Variants in SLC26A2 observed in about 807,000 individuals in gnomAD.
SLC26A2 encodes solute carrier family 26 member 2, also known as sulfate transporter.
In SLC26A2, 36 loss-of-function variants were observed where a neutral mutation model predicts 41.1. That is an observed-to-expected ratio of 0.88 (90% CI 0.67 to 1.16). The LOEUF (loss-of-function observed/expected upper bound fraction) is 1.16. Ranked by LOEUF, SLC26A2 falls within the 50% of genes most tolerant of loss-of-function variation. The probability of loss-of-function intolerance (pLI) is 0.00; values close to 1 mark genes in which losing one functional copy is unlikely to be tolerated. For missense variants in SLC26A2, 796 were observed against 869.6 expected (o/e 0.92, Z 1.07); for synonymous variants, 291 against 311.6 (o/e 0.93, Z 0.70).
chr5:149,980,701 C>T lies in SLC26A2; in HGVS notation c.1108C>T (p.Pro370Ser), dbSNP rs868052713. The change falls in exon 3 of 3, where the codon CCA becomes TCA. Residue 370 changes from proline to serine, a missense_variant. Physicochemically the swap from Pro to Ser is moderately conservative, Grantham distance 74. Transcript: ENST00000286298. ...IAGHIPTGFM[P>S]PKVPEWNLIP... ...TGGACATATTCCCACTGGGTTTATG[C>T]CACCCAAAGTACCAGAATGGAACCT... The T allele has an allele frequency of 1.2e-6, 2 of 1,613,594 alleles. No individual in the cohort carries two copies. Among genetic ancestry groups the T allele is most frequent in the Admixed American group, 3.3e-5 (2 of 59,974 alleles).
intron 1 of SLC26A2, among the ~76,000 whole-genome samples, chr5:149,971,721 A>G (rs1754909954): frequency 6.6e-6 from 1 of 152,186 alleles, no homozygotes; most frequent in Admixed American, 6.5e-5. Context: ...TTCTAAAACC[A>G]CCTTCAACTA....
intron 1 of SLC26A2, among the ~76,000 whole-genome samples, chr5:149,975,667 C>T (rs1236753692): frequency 6.6e-6 from 1 of 152,190 alleles, no homozygotes; most frequent in Non-Finnish European, 1.5e-5. Context: ...TTATCTACTT[C>T]AGAAGACCAT....
chr5:149,968,900 C>G (rs937487996), intron 1 of SLC26A2, among the ~76,000 whole-genome samples: 2 of 151,810 alleles, frequency 1.3e-5, no homozygotes. Context: ...CACCACCACA[C>G]CCAGCTAATT....
In SLC26A2 at chr5:149,981,707, A is replaced by T. The variant is rs1205574599; in HGVS notation, c.2114A>T (p.Glu705Val). The stretch of plus-strand genomic sequence containing the variant: ...GGAGAATATTGCAAAAAGGAAGAAG[A>T]AAACCTTCTCTTCTATAGTGTGTAT... ...TNGEYCKKEE[E>V]NLLFYSVYEA... The change falls in exon 3 of 3, where the codon GAA (glutamate) becomes GTA (valine). Residue 705 changes from glutamate (E) to valine (V), a missense_variant. Glu to Val is a moderately radical substitution (Grantham distance 121). Coordinates refer to ENST00000286298, the MANE Select transcript of SLC26A2 (RefSeq NM_000112.4). The T allele has an allele frequency of 6.2e-7, 1 of 1,611,540 alleles. No homozygotes were observed. Among genetic ancestry groups the T allele is most frequent in the East Asian group, 2.2e-5 (1 of 44,882 alleles).
chr5:149,966,340 A>G (rs1486217805), intron 1 of SLC26A2, among the ~76,000 whole-genome samples: 1 of 152,376 alleles, frequency 6.6e-6, no homozygotes, highest in Non-Finnish European at 1.5e-5. Flanking sequence ...TGGTTGGGAC[A>G]GAGGGTTATG....
chr5:149,970,191 G>A (rs1754877529), intron 1 of SLC26A2, among the ~76,000 whole-genome samples: 1 of 152,144 alleles, frequency 6.6e-6, no homozygotes, highest in African/African-American at 2.4e-5. Flanking sequence ...GGATGGTCAA[G>A]GAAGGTTTCT....
chr5:149,968,001 CTTTT>C (rs941103020), intron 1 of SLC26A2, among the ~76,000 whole-genome samples: 1 of 147,994 alleles, frequency 6.8e-6, no homozygotes, highest in Non-Finnish European at 1.5e-5. Flanking sequence ...AGATCCAGCT[CTTTT>C]TTTTTATTTT....
chr5:149,983,336 A>G lies in SLC26A2; in HGVS notation c.*1523A>G, dbSNP rs968851594. On this transcript the variant is annotated 3_prime_UTR_variant, in exon 3 of 3. Transcript: ENST00000286298. ...GTGACATGGAAAATACCTTTCCATT[A>G]TCACAACAAAGCAGTTGCTCAGTAG... The G allele has an allele frequency of 6.6e-6, 1 of 152,160 alleles. No individual in the cohort carries two copies. The highest frequency in any genetic ancestry group is 6.5e-5 in the Admixed American group (1 of 15,278). The allele number at this position is 152,160 out of a possible 1,614,324, so 9.4% of individuals were successfully genotyped here.
chr5:149,976,180 C>CT (rs1214354406), intron 1 of SLC26A2, among the ~76,000 whole-genome samples: 1 of 151,762 alleles, frequency 6.6e-6, no homozygotes, highest in East Asian at 1.9e-4. Context: ...AAAAATGTCT[C>CT]TATCTGGCCA....
rs373093471 is a variant in SLC26A2 at position 149,978,386 on chromosome 5, A to G, written c.699+35A>G. 1.5e-4 allele frequency: 213 copies of G among 1,451,694 alleles called. No individual in the cohort carries two copies. In the African/African-American group the frequency reaches 2.4e-3, roughly 16 times the overall value. The allele number at this position is 1,451,694 out of a possible 1,614,324, so 89.9% of individuals were successfully genotyped here. On this transcript the variant is annotated intron_variant, in intron 2 of 2. Coordinates refer to ENST00000286298, the MANE Select transcript of SLC26A2 (RefSeq NM_000112.4). The stretch of plus-strand genomic sequence containing the variant: ...AATGAAACAATTGGTTATTTCTAGA[A>G]AAGTAATCTAGTACATGAAATCTCA...
Position 149,984,825 on chromosome 5 carries a change from C to G in SLC26A2, c.*3012C>G, listed in dbSNP as rs1384307045. The G allele has an allele frequency of 1.3e-5, 2 of 152,196 alleles. No individual in the cohort carries two copies. The highest frequency in any genetic ancestry group is 1.3e-4 in the Admixed American group (2 of 15,282). 9.4% of individuals were successfully genotyped at this position (152,196 alleles called of 1,614,324 possible). ...TTTCTCAGTACAAGATTCTGAGTAT[C>G]ATAAAATGGTTATTTAATTGAAACG... is the stretch of plus-strand genomic sequence containing the variant. On this transcript the variant is annotated 3_prime_UTR_variant, in exon 3 of 3. Transcript: ENST00000286298.
Position 149,977,703 on chromosome 5 carries a change from T to C in SLC26A2, c.51T>C (p.Ala17=), listed in dbSNP as rs369248348. ...EQHNVSPRDS[A]EGNDSYPSGI... is the part of the protein sequence containing the mutation. ...ATAACGTTTCACCCAGAGACTCAGC[T>C]GAAGGAAATGACAGTTATCCATCTG... The change falls in exon 2 of 3, where the codon GCT becomes GCC. Residue 17 remains alanine, a synonymous_variant. Transcript: ENST00000286298. The C allele has an allele frequency of 6.2e-7, 1 of 1,614,018 alleles. No homozygotes were observed. Among genetic ancestry groups the C allele is most frequent in the African/African-American group, 1.3e-5 (1 of 74,922 alleles).
intron 1 of SLC26A2, among the ~76,000 whole-genome samples, chr5:149,965,128 A>G (rs1446407318): frequency 6.6e-6 from 1 of 152,198 alleles, no homozygotes; most frequent in African/African-American, 2.4e-5. Flanking sequence ...AAAATAAGCA[A>G]TCAAGCGACA....
chr5:149,966,541 C>T (rs1754808176), intron 1 of SLC26A2, among the ~76,000 whole-genome samples: 1 of 152,110 alleles, frequency 6.6e-6, no homozygotes, highest in Non-Finnish European at 1.5e-5. Flanking sequence ...TAGGAAAATC[C>T]CAGTACAGGT....
intron 1 of SLC26A2, among the ~76,000 whole-genome samples, chr5:149,976,499 TG>T (rs1754994961): frequency 6.6e-6 from 1 of 152,168 alleles, no homozygotes; most frequent in African/African-American, 2.4e-5. Context: ...GGCAAAGAGG[TG>T]GATGGCCATT....
At position 149,986,718 on chromosome 5, in the gene SLC26A2, T is replaced by C. The variant is rs1755206423; in HGVS notation, c.*4905T>C. 2 of 152,230 alleles carry C rather than the reference T, an allele frequency of 1.3e-5. No homozygotes were observed. Among genetic ancestry groups the C allele is most frequent in the South Asian group, 4.1e-4 (2 of 4,834 alleles). The allele number at this position is 152,230 out of a possible 1,614,324, so 9.4% of individuals were successfully genotyped here. ...AATAATGAAGGACACTAAATGCCTTTATTGTAGATACTATGTTTGTAAGTC... is the reference window on the plus strand; with the variant it reads ...AATAATGAAGGACACTAAATGCCTTCATTGTAGATACTATGTTTGTAAGTC... On this transcript the variant is annotated 3_prime_UTR_variant, in exon 3 of 3. Transcript: ENST00000286298.
intron 1 of SLC26A2, among the ~76,000 whole-genome samples, chr5:149,966,093 T>G (rs559087918): frequency 2.0e-5 from 3 of 152,094 alleles, no homozygotes; most frequent in Non-Finnish European, 2.9e-5. Context: ...TTAGTAGAGA[T>G]AGAATTTCAC....
intron 1 of SLC26A2, among the ~76,000 whole-genome samples, chr5:149,963,762 T>G (rs1321115591): frequency 9.5e-5 from 14 of 147,776 alleles, no homozygotes; most frequent in Middle Eastern, 3.4e-3. Flanking sequence ...TTTTTTTTTT[T>G]GTGGAGACAA....
intron 1 of SLC26A2, among the ~76,000 whole-genome samples, chr5:149,973,553 C>T (rs1189517315): frequency 2.0e-5 from 3 of 151,972 alleles, no homozygotes; most frequent in South Asian, 2.1e-4. Flanking sequence ...CTCTCTCTCC[C>T]GTTCCCCCCA....
Sources: allele counts gnomAD v4.1 joint callset (sites outside exome capture counted in the v4.1 genomes callset), GRCh38; gene constraint gnomAD v4.1.1; transcripts MANE v1.5; gene names NCBI Gene and HGNC (gene_info 2026-07-23, HGNC 2026-07-21).